ROR2: variants seen among roughly 807,000 people sequenced by gnomAD.
ROR2 encodes the protein tyrosine-protein kinase transmembrane receptor ROR2.
Under a neutral mutation model 74.9 loss-of-function variants are expected in ROR2, and 33 were observed. The ratio of observed to expected loss-of-function variants is 0.44; its 90% CI spans 0.33 to 0.59. The LOEUF is 0.59. ROR2 is among the 20% of genes least tolerant of loss of function. ROR2 has a pLI of 0.02. For missense variants in ROR2, 1,216 were observed against 1,313.8 expected (o/e 0.93, Z 1.15); for synonymous variants, 586 against 558.7 (o/e 1.05, Z -0.69).
chr9:91,800,256 C>T (rs571243303), intron 1 of ROR2, among the ~76,000 whole-genome samples: 14 of 152,002 alleles, frequency 9.2e-5, no homozygotes, highest in East Asian at 1.9e-4. Context: ...GCAGGAGAAT[C>T]GCTTGAACCC....
rs372355990 is a variant in ROR2 at position 91,764,866 on chromosome 9, G to A, written c.176-7307C>T. 5.9e-5 allele frequency among the ~76,000 whole-genome samples: 9 copies of A among 152,116 alleles called. No individual in the cohort carries two copies. In the East Asian group the frequency reaches 1.7e-3, roughly 29 times the overall value. On this transcript the variant is annotated intron_variant, in intron 2 of 8. Transcript: ENST00000375708. ...TAGTTTCGTTGGGTATAGAATTTGA[G>A]GCAATACTGTCCTCTGGCTTCTATG... is the stretch of plus-strand genomic sequence containing the variant.
intron 2 of ROR2, among the ~76,000 whole-genome samples, chr9:91,773,983 C>A (rs1418258518): frequency 6.6e-6 from 1 of 152,242 alleles, no homozygotes; most frequent in East Asian, 1.9e-4. Context: ...ATCCACACAG[C>A]AGAGAGCACA....
intron 2 of ROR2, among the ~76,000 whole-genome samples, chr9:91,770,168 G>T (rs1468993800): frequency 1.3e-5 from 2 of 152,234 alleles, no homozygotes; most frequent in East Asian, 3.9e-4. Flanking sequence ...ATGCCCTCAT[G>T]GTGGCCCTGG....
intron 2 of ROR2, among the ~76,000 whole-genome samples, chr9:91,763,065 C>G (rs1319539878): frequency 2.0e-5 from 3 of 152,132 alleles, no homozygotes; most frequent in Non-Finnish European, 4.4e-5. Flanking sequence ...AGCAAATTAA[C>G]ACAGGAACAA....
intron 1 of ROR2, among the ~76,000 whole-genome samples, chr9:91,946,344 G>T (rs78377272): frequency 0.072 from 10,909 of 152,266 alleles, 466 homozygotes; most frequent in African/African-American, 0.1. Context: ...ATGGGCAAGA[G>T]CAAGGAAGAG....
At chr9:91,858,326 C>G (rs916393606) in intron 1 of ROR2, among the ~76,000 whole-genome samples, 2 of 152,222 alleles carry the variant, frequency 1.3e-5, no homozygotes, top group African/African-American at 4.8e-5. Flanking sequence ...AGCACAGGCA[C>G]ACACATGCAG....
intron 1 of ROR2, among the ~76,000 whole-genome samples, chr9:91,843,089 C>A (rs1414004302): frequency 1.3e-5 from 2 of 152,196 alleles, no homozygotes; most frequent in African/African-American, 4.8e-5. Flanking sequence ...AAAAAACCCA[C>A]AGAGAATGTG....
At chr9:91,867,282 ATT>A (rs1461807424) in intron 1 of ROR2, among the ~76,000 whole-genome samples, 1 of 151,994 alleles carries the variant, frequency 6.6e-6, no homozygotes, top group Non-Finnish European at 1.5e-5. Context: ...TTCTTTTTTC[ATT>A]TTCTTTCTTT....
At chr9:91,737,598 CT>C in intron 4 of ROR2, 80 bp from the exon 5 acceptor site, 1 of 1,600,412 alleles carries the variant, frequency 6.2e-7, no homozygotes. Context: ...GATCCAGCAT[CT>C]TGCGATCCAG....
intron 1 of ROR2, among the ~76,000 whole-genome samples, chr9:91,809,793 TC>T (rs1213670735): frequency 3.9e-5 from 6 of 152,170 alleles, no homozygotes; most frequent in Non-Finnish European, 8.8e-5. Flanking sequence ...CTGGTGAGGC[TC>T]CCGGCTCCAC....
At chr9:91,893,713 C>T (rs575840667) in intron 1 of ROR2, among the ~76,000 whole-genome samples, 1 of 152,290 alleles carries the variant, frequency 6.6e-6, no homozygotes, top group South Asian at 2.1e-4. Flanking sequence ...GCCAGTGCCT[C>T]TCCCTCTACC....
chr9:91,784,972 GATGA>G (rs143159791), intron 1 of ROR2, among the ~76,000 whole-genome samples: 24 of 152,264 alleles, frequency 1.6e-4, no homozygotes, highest in African/African-American at 5.5e-4. Context: ...TCATTAGGTG[GATGA>G]ATGAATGAAT....
intron 1 of ROR2, among the ~76,000 whole-genome samples, chr9:91,933,671 CAAAG>C (rs1363730889): frequency 3.3e-5 from 5 of 152,122 alleles, no homozygotes; most frequent in Admixed American, 6.5e-5. Context: ...TGTATAAAAA[CAAAG>C]AAAGAATGGA....
intron 1 of ROR2, among the ~76,000 whole-genome samples, chr9:91,926,541 C>T (rs1831404767): frequency 1.2e-5 from 1 of 80,598 alleles, no homozygotes; most frequent in Non-Finnish European, 2.7e-5. Flanking sequence ...ATGACTCCAT[C>T]TCAAAAAAAA....
At chr9:91,901,690 C>G (rs1430100612) in intron 1 of ROR2, among the ~76,000 whole-genome samples, 1 of 151,766 alleles carries the variant, frequency 6.6e-6, no homozygotes, top group Non-Finnish European at 1.5e-5. Context: ...GTGGCATGCG[C>G]TTGTAATCCC....
At chr9:91,815,475 A>T (rs1400680830) in intron 1 of ROR2, among the ~76,000 whole-genome samples, 1 of 152,238 alleles carries the variant, frequency 6.6e-6, no homozygotes, top group Admixed American at 6.5e-5. Context: ...AGAACATTAA[A>T]TGTTCACACG....
At chr9:91,773,754 G>A (rs973938489) in intron 2 of ROR2, among the ~76,000 whole-genome samples, 13 of 152,082 alleles carry the variant, frequency 8.5e-5, no homozygotes, top group African/African-American at 2.7e-4. Context: ...ACCAAGTCCC[G>A]CTTGACCCAG....
At chr9:91,814,028 AG>A in intron 1 of ROR2, among the ~76,000 whole-genome samples, 1 of 152,328 alleles carries the variant, frequency 6.6e-6, no homozygotes, top group Non-Finnish European at 1.5e-5. Context: ...TCTGTCAAGA[AG>A]AAAAATGTTC....
At chr9:91,893,510 G>A (rs1158829079) in intron 1 of ROR2, among the ~76,000 whole-genome samples, 1 of 151,820 alleles carries the variant, frequency 6.6e-6, no homozygotes, top group Non-Finnish European at 1.5e-5. Flanking sequence ...CCTCCACTGG[G>A]GGACACGCCT....
Sources: gnomAD v4.1 joint callset for allele counts (sites outside exome capture counted in the v4.1 genomes callset) on GRCh38, gnomAD v4.1.1 for gene constraint, MANE v1.5 for transcripts, NCBI Gene and HGNC (gene_info 2026-07-23, HGNC 2026-07-21) for gene names.